The following PTHLH variants were observed in gnomAD, a reference collection of about 807,000 sequenced individuals.
PTHLH encodes the protein parathyroid hormone-related protein.
In PTHLH, 5 loss-of-function variants were observed where a neutral mutation model predicts 18.6. The observed-to-expected ratio is 0.27, with a 90% CI of 0.14 to 0.56. The LOEUF is 0.56. PTHLH is among the 20% of genes least tolerant of loss of function. The pLI is 0.92. For synonymous variants in PTHLH, 90 were observed against 94.0 expected, an observed-to-expected ratio of 0.96 and a Z score of 0.25; for missense variants, 207 against 223.9, an observed-to-expected ratio of 0.92 and a Z score of 0.48.
intron 4 of PTHLH, 77 bp downstream of exon 4, chr12:27,969,317 C>A: frequency 1.4e-6 from 2 of 1,393,686 alleles, no homozygotes; most frequent in Non-Finnish European, 2.0e-6. Flanking sequence ...GCTGCAAGCC[C>A]TCGGCAGCAT....
chr12:27,972,435 C>T (rs2062878005), intron 1 of PTHLH, 88 bp downstream of exon 1: 1 of 152,088 alleles, frequency 6.6e-6, no homozygotes, highest in Admixed American at 6.5e-5. Flanking sequence ...TCCTCTCCTC[C>T]ACAAAAAGAG....
At chr12:27,968,093 T>C (rs1346493671) in intron 4 of PTHLH, among the ~76,000 whole-genome samples, 1 of 152,196 alleles carries the variant, frequency 6.6e-6, no homozygotes, top group Non-Finnish European at 1.5e-5. Flanking sequence ...AGTTTCAAAA[T>C]GAGCAAAAAG....
At chr12:27,971,588 C>T (rs2062872135) in intron 2 of PTHLH, among the ~76,000 whole-genome samples, 3 of 151,854 alleles carry the variant, frequency 2.0e-5, no homozygotes, top group Non-Finnish European at 4.4e-5. Flanking sequence ...GGAGAAATAG[C>T]ACGCTGTCAC....
rs141193422 is a variant in PTHLH, at chr12:27,965,152, G to A, written c.102-1382C>T. Among the ~76,000 whole-genome samples, 246 of 152,322 alleles carry A rather than the reference G, an allele frequency of 1.6e-3. 1 individual carries two copies. Among genetic ancestry groups the A allele is most frequent in the African/African-American group, 5.7e-3 (235 of 41,582 alleles). The stretch of plus-strand genomic sequence containing the variant: ...CATGGGGAAAGTGAGGTGCAGAGAG[G>A]TTAAATGACTTGCCCTAGTCTACAC... On this transcript the variant is annotated intron_variant, in intron 4 of 5. Transcript: ENST00000545234.
At chr12:27,959,474 G>C (rs866244393) in intron 5 of PTHLH, among the ~76,000 whole-genome samples, 1 of 151,928 alleles carries the variant, frequency 6.6e-6, no homozygotes, top group South Asian at 2.1e-4. Flanking sequence ...ATGGGTTAGC[G>C]GAGTTTTCTT....
chr12:27,958,442 C>G lies in PTHLH; in HGVS notation c.*117G>C, dbSNP rs2062729183. 1 of 986,850 alleles carries G rather than the reference C, an allele frequency of 1.0e-6. No homozygotes were observed. Among genetic ancestry groups the G allele is most frequent in the East Asian group, 3.0e-5 (1 of 33,118 alleles). The allele number at this position is 986,850 out of a possible 1,614,324, so 61.1% of individuals were successfully genotyped here. ...CAGTTTCATAGAGCAATGGGGGAGA[C>G]AGTTTTATTCCAATGCATTTACAGT... On this transcript the variant is annotated 3_prime_UTR_variant, in exon 6 of 6. Transcript: ENST00000545234.
intron 5 of PTHLH, chr12:27,963,110 G>C (rs1378340091): frequency 2.1e-6 from 3 of 1,411,250 alleles, no homozygotes; most frequent in Non-Finnish European, 2.8e-6. Flanking sequence ...TGACGGTGGA[G>C]AAAGAGGAAT....
At chr12:27,960,173 A>G (rs1330469597) in intron 5 of PTHLH, among the ~76,000 whole-genome samples, 1 of 152,212 alleles carries the variant, frequency 6.6e-6, no homozygotes, top group Non-Finnish European at 1.5e-5. Context: ...TATGTTTACT[A>G]TATGTGTGTG....
At position 27,962,232 on chromosome 12, in the gene PTHLH, CTAGATAGA is replaced by C. The variant is rs35742272; in HGVS notation, c.524+1108_524+1115del. 7.0e-3 allele frequency: 1,775 copies of C among 255,176 alleles called. 28 individuals are homozygous for C. The highest frequency in any genetic ancestry group is 0.037 in the African/African-American group (1,633 of 44,240). The allele number at this position is 255,176 out of a possible 1,614,324, so 15.8% of individuals were successfully genotyped here. ...TTTTGCCTCATAGAAACATACCCCC[CTAGATAGA>C]TAGATAGATAGATAGATAGATAGAA... On this transcript the variant is annotated intron_variant, in intron 5 of 5. Coordinates refer to ENST00000545234, the MANE Select transcript of PTHLH (RefSeq NM_198965.2).
At position 27,969,382 on chromosome 12, in the gene PTHLH, T is replaced by C. The variant is rs1222214007; in HGVS notation, c.101+12A>G. 6.4e-7 allele frequency: 1 copy of C among 1,567,290 alleles called. No individual in the cohort carries two copies. The highest frequency in any genetic ancestry group is 8.6e-7 in the Non-Finnish European group (1 of 1,160,192). On this transcript the variant is annotated intron_variant, in intron 4 of 5. Coordinates refer to ENST00000545234, the MANE Select transcript of PTHLH (RefSeq NM_198965.2). ...CCCCAACCCGGCGCCCTGGGGAGGA[T>C]GGGGCACTTACAGGCGGCGGCTGAG...
chr12:27,961,810 G>A (rs1008121264), intron 5 of PTHLH: 37 of 561,100 alleles, frequency 6.6e-5, no homozygotes, highest in Middle Eastern at 3.8e-4. Context: ...AGCTTAAAGA[G>A]ACAAATAATG....
At chr12:27,963,851 CT>C in intron 4 of PTHLH, 81 bp from the exon 5 acceptor site, 1 of 1,422,596 alleles carries the variant, frequency 7.0e-7, no homozygotes, top group Non-Finnish European at 9.7e-7. Flanking sequence ...GAGTAAATCT[CT>C]TTAGTTTTCT....
intron 4 of PTHLH, among the ~76,000 whole-genome samples, chr12:27,968,034 GTCT>G (rs1191298367): frequency 6.6e-6 from 1 of 152,156 alleles, no homozygotes; most frequent in African/African-American, 2.4e-5. Context: ...TAAAAATTCA[GTCT>G]TCATTTCTAT....
At chr12:27,968,755 A>G (rs2062839599) in intron 4 of PTHLH, among the ~76,000 whole-genome samples, 1 of 152,224 alleles carries the variant, frequency 6.6e-6, no homozygotes, top group African/African-American at 2.4e-5. Flanking sequence ...CAATAACTCC[A>G]AGAAAAAAAA....
At chr12:27,972,190 T>C (rs564323675) in intron 1 of PTHLH, among the ~76,000 whole-genome samples, 171 bp from the exon 2 acceptor site, 2 of 152,162 alleles carry the variant, frequency 1.3e-5, no homozygotes, top group African/African-American at 2.4e-5. Flanking sequence ...CTTCTCCCAA[T>C]AGAAGGTTAA....
At chr12:27,967,325 A>G (rs1199250799) in intron 4 of PTHLH, among the ~76,000 whole-genome samples, 13 of 152,188 alleles carry the variant, frequency 8.5e-5, no homozygotes, top group Admixed American at 7.9e-4. Context: ...CTTCCTTTGC[A>G]TGGTTTAGGA....
At chr12:27,963,952 G>A (rs1025357117) in intron 4 of PTHLH, among the ~76,000 whole-genome samples, 182 bp from the exon 5 acceptor site, 12 of 152,204 alleles carry the variant, frequency 7.9e-5, no homozygotes, top group African/African-American at 2.9e-4. Flanking sequence ...GCTGGCAGTT[G>A]GAAGGCTCCA....
intron 4 of PTHLH, among the ~76,000 whole-genome samples, chr12:27,967,761 C>T (rs2062828961): frequency 2.0e-5 from 3 of 152,174 alleles, no homozygotes; most frequent in Admixed American, 1.3e-4. Flanking sequence ...TTATATTTCA[C>T]CCACAAACAA....
At position 27,960,717 on chromosome 12, in the gene PTHLH, CAA is replaced by C. The variant is rs146277675; in HGVS notation, c.525-2151_525-2150del. 4.2e-3 allele frequency among the ~76,000 whole-genome samples: 405 copies of C among 96,090 alleles called. 2 individuals are homozygous for C. The highest frequency in any genetic ancestry group is 0.011 in the African/African-American group (285 of 24,932). 63.0% of individuals were successfully genotyped at this position (96,090 alleles called of 152,430 possible). A position where few individuals can be genotyped will look rare whatever the true frequency, so the allele number is the denominator to read the frequency against. On this transcript the variant is annotated intron_variant, in intron 5 of 5. Transcript: ENST00000545234. ...TGGGCAACAGAGCAAGACTCTGTCT[CAA>C]AAAAAAAAAAAAAAAAAGAATATTG...
Sources: gnomAD v4.1 joint callset for allele counts (sites outside exome capture counted in the v4.1 genomes callset) on GRCh38, gnomAD v4.1.1 for gene constraint, MANE v1.5 for transcripts, NCBI Gene and HGNC (gene_info 2026-07-23, HGNC 2026-07-21) for gene names.